FSIP1: variants seen among roughly 807,000 people sequenced by gnomAD.
FSIP1 encodes fibrous sheath interacting protein 1.
In FSIP1, 65 loss-of-function variants were observed where a neutral mutation model predicts 60.9. That is an observed-to-expected ratio of 1.07 (90% CI 0.87 to 1.31). The LOEUF (loss-of-function observed/expected upper bound fraction) is 1.31. FSIP1 is among the 40% of genes most tolerant of loss of function. The pLI, the probability that FSIP1 is intolerant of heterozygous loss-of-function variation, is 0.00. For missense variants in FSIP1, 675 were observed against 665.5 expected, an observed-to-expected ratio of 1.01 and a Z score of -0.16; for synonymous variants, 209 against 221.2, an observed-to-expected ratio of 0.94 and a Z score of 0.49.
intron 10 of FSIP1, among the ~76,000 whole-genome samples, chr15:39,638,316 C>G (rs1270146381): frequency 3.9e-5 from 6 of 152,148 alleles, no homozygotes; most frequent in Non-Finnish European, 5.9e-5. Context: ...ATCTGCCCTC[C>G]AAAAAGTGCA....
chr15:39,729,219 C>G (rs1437992316), intron 8 of FSIP1, among the ~76,000 whole-genome samples: 1 of 152,172 alleles, frequency 6.6e-6, no homozygotes, highest in African/African-American at 2.4e-5. Flanking sequence ...ACCATTCAAC[C>G]CAGCAATCTC....
chr15:39,627,954 G>A (rs928508467), intron 10 of FSIP1, among the ~76,000 whole-genome samples: 18 of 152,192 alleles, frequency 1.2e-4, no homozygotes, highest in African/African-American at 4.3e-4. Context: ...AAACAGCGTG[G>A]GCCTGGAAGC....
At chr15:39,688,213 A>G (rs1176447927) in intron 10 of FSIP1, among the ~76,000 whole-genome samples, 2 of 152,226 alleles carry the variant, frequency 1.3e-5, no homozygotes, top group South Asian at 2.1e-4. Flanking sequence ...CAATGATCAG[A>G]ATACAGATGC....
At chr15:39,714,937 C>A (rs1895676912) in intron 9 of FSIP1, among the ~76,000 whole-genome samples, 1 of 133,334 alleles carries the variant, frequency 7.5e-6, no homozygotes, top group Non-Finnish European at 1.5e-5. Flanking sequence ...CGCACCACTG[C>A]ACTGCAGACT....
At chr15:39,772,780 G>A (rs1480511158) in intron 2 of FSIP1, among the ~76,000 whole-genome samples, 4 of 151,598 alleles carry the variant, frequency 2.6e-5, no homozygotes, top group Admixed American at 6.6e-5. Flanking sequence ...TAGTAGAGAC[G>A]GGGTTTCACC....
Position 39,770,412 on chromosome 15 carries a change from T to C in FSIP1, c.310+15A>G. ...TTGTAATTATCATTAGCCAATCACC[T>C]AGTGATTATCCTACCTGAACACTCA... On this transcript the variant is annotated intron_variant, in intron 3 of 11. Coordinates refer to ENST00000350221, the MANE Select transcript of FSIP1 (RefSeq NM_152597.5). 1.3e-6 allele frequency: 2 copies of C among 1,530,678 alleles called. No homozygotes were observed. Among genetic ancestry groups the C allele is most frequent in the South Asian group, 1.2e-5 (1 of 80,628 alleles). The allele number at this position is 1,530,678 out of a possible 1,614,324, so 94.8% of individuals were successfully genotyped here.
chr15:39,769,802 A>G (rs1350541197), intron 3 of FSIP1, among the ~76,000 whole-genome samples: 3 of 152,212 alleles, frequency 2.0e-5, no homozygotes, highest in African/African-American at 7.2e-5. Flanking sequence ...CTGATTCATG[A>G]TAAAGCACCA....
chr15:39,615,398 T>A (rs1240135392), intron 11 of FSIP1, among the ~76,000 whole-genome samples: 3 of 108,906 alleles, frequency 2.8e-5, no homozygotes, highest in Admixed American at 9.7e-5. Flanking sequence ...TATAAGGAAC[T>A]CAAACAACTC....
chr15:39,609,579 G>T (rs927388960), intron 11 of FSIP1, among the ~76,000 whole-genome samples: 4 of 152,162 alleles, frequency 2.6e-5, no homozygotes, highest in Non-Finnish European at 4.4e-5. Context: ...TTTGCTTAAG[G>T]CTTCCCTGAG....
intron 11 of FSIP1, chr15:39,602,234 G>A (rs113404056): frequency 9.2e-6 from 4 of 434,222 alleles, no homozygotes; most frequent in African/African-American, 4.0e-5. Flanking sequence ...CAGATGGAGG[G>A]AGGCAATGTG....
chr15:39,724,344 C>T (rs924231310), intron 9 of FSIP1, among the ~76,000 whole-genome samples: 8 of 151,850 alleles, frequency 5.3e-5, no homozygotes, highest in Admixed American at 2.6e-4. Flanking sequence ...CTCTGCCTCC[C>T]GAGTTCACGC....
chr15:39,668,407 C>G (rs1036984750), intron 10 of FSIP1, among the ~76,000 whole-genome samples: 1 of 152,050 alleles, frequency 6.6e-6, no homozygotes, highest in African/African-American at 2.4e-5. Context: ...TATGTCGACA[C>G]TAAAGGAATA....
rs377422182 is a variant in FSIP1 at position 39,754,278 on chromosome 15, T to C, written c.559+9543A>G. ...CTCCAATAAAGCTTTCAAATGACTG[T>C]AGCCCCGGCAACCATTTGACAGGAG... On this transcript the variant is annotated intron_variant, in intron 5 of 11. Coordinates refer to ENST00000350221, the MANE Select transcript of FSIP1 (RefSeq NM_152597.5). Among the ~76,000 whole-genome samples the C allele has an allele frequency of 3.3e-5, 5 of 152,144 alleles. 1 individual carries two copies. The highest frequency in any genetic ancestry group is 6.6e-5 in the Admixed American group (1 of 15,262).
intron 4 of FSIP1, among the ~76,000 whole-genome samples, chr15:39,765,266 G>A (rs1323159004): frequency 1.7e-5 from 2 of 114,520 alleles, no homozygotes; most frequent in South Asian, 5.3e-4. Flanking sequence ...TTTTTTGAGT[G>A]TCTTGCTCTG....
intron 11 of FSIP1, among the ~76,000 whole-genome samples, chr15:39,614,122 T>G (rs1891131557): frequency 6.6e-6 from 1 of 151,888 alleles, no homozygotes; most frequent in Non-Finnish European, 1.5e-5. Context: ...TAATAGGAAA[T>G]GAAGAAATGA....
intron 5 of FSIP1, among the ~76,000 whole-genome samples, chr15:39,751,347 T>C (rs564803574): frequency 6.6e-6 from 1 of 151,676 alleles, no homozygotes; most frequent in African/African-American, 2.4e-5. Flanking sequence ...CCATTATTCA[T>C]AATAGCCAAG....
chr15:39,715,995 C>T (rs1006199014), intron 9 of FSIP1, among the ~76,000 whole-genome samples: 37 of 152,224 alleles, frequency 2.4e-4, no homozygotes, highest in Non-Finnish European at 2.2e-4. Flanking sequence ...TGCAGAACCG[C>T]GAGCCAATTA....
At chr15:39,692,714 T>C (rs182977215) in intron 10 of FSIP1, among the ~76,000 whole-genome samples, 13 of 151,860 alleles carry the variant, frequency 8.6e-5, no homozygotes, top group African/African-American at 3.1e-4. Flanking sequence ...GGCTAATTCC[T>C]GGAATGCTAT....
At chr15:39,782,244 G>A (rs779222967) in intron 1 of FSIP1, among the ~76,000 whole-genome samples, 1 of 152,226 alleles carries the variant, frequency 6.6e-6, no homozygotes, top group South Asian at 2.1e-4. Context: ...CACGAGAAAA[G>A]TTGAGTCTCT....
Sources: gnomAD v4.1 joint callset for allele counts (sites outside exome capture counted in the v4.1 genomes callset) on GRCh38, gnomAD v4.1.1 for gene constraint, MANE v1.5 for transcripts, NCBI Gene and HGNC (gene_info 2026-07-23, HGNC 2026-07-21) for gene names.